Variants in POU2F3 observed in about 807,000 individuals in gnomAD.
POU2F3 encodes POU class 2 homeobox 3.
In POU2F3, 23 loss-of-function variants were observed where a neutral mutation model predicts 59.2. That is an observed-to-expected ratio of 0.39 (90% CI 0.28 to 0.55). POU2F3 has a LOEUF of 0.55. POU2F3 is among the 20% of genes least tolerant of loss of function. The pLI is 0.66. For synonymous variants in POU2F3, 190 were observed against 214.6 expected, an observed-to-expected ratio of 0.89 and a Z score of 1.00; for missense variants, 473 against 544.5, an observed-to-expected ratio of 0.87 and a Z score of 1.31.
At chr11:120,294,330 A>G (rs565750437) in intron 3 of POU2F3, among the ~76,000 whole-genome samples, 1 of 152,288 alleles carries the variant, frequency 6.6e-6, no homozygotes, top group Admixed American at 6.5e-5. Flanking sequence ...CCCTGTGGTG[A>G]CCCACGTCTC....
At chr11:120,316,440 G>GA (rs1941790718) in intron 11 of POU2F3, among the ~76,000 whole-genome samples, 3 of 152,208 alleles carry the variant, frequency 2.0e-5, no homozygotes, top group African/African-American at 4.8e-5. Context: ...GTTTTGTTTT[G>GA]TTTTTTGAGA....
At chr11:120,303,527 G>A (rs532425483) in intron 6 of POU2F3, 1 of 152,370 alleles carries the variant, frequency 6.6e-6, no homozygotes, top group South Asian at 2.1e-4. Flanking sequence ...ATGAAAGGAG[G>A]AGGGAGAAGG....
chr11:120,304,997 C>T (rs1035312456), intron 6 of POU2F3, 33 bp from the exon 7 acceptor site: 11 of 1,170,282 alleles, frequency 9.4e-6, no homozygotes, highest in Non-Finnish European at 1.3e-5. Context: ...TATTGATCTT[C>T]GTGGTGGATC....
chr11:120,299,568 GGCTGAT>G, intron 4 of POU2F3, 50 bp from the exon 5 acceptor site: 1 of 1,518,872 alleles, frequency 6.6e-7, no homozygotes, highest in Non-Finnish European at 9.0e-7. Context: ...AGGCAGATGG[GGCTGAT>G]GTCCCCAGCT....
rs544794394 is a variant in POU2F3, at chr11:120,293,988, T to C, written c.133-4277T>C. On this transcript the variant is annotated intron_variant, in intron 3 of 12. Transcript: ENST00000543440. Reference sequence around the variant, plus strand: ...GTTTATAACCATCTCTGAAGCTCTCTGAGCCTCTGTGAGATGGAAGGGTGA... The same window carrying C: ...GTTTATAACCATCTCTGAAGCTCTCCGAGCCTCTGTGAGATGGAAGGGTGA... Among the ~76,000 whole-genome samples, 37 of 152,288 alleles carry C rather than the reference T, an allele frequency of 2.4e-4. 1 individual carries two copies. The highest frequency in any genetic ancestry group is 4.2e-4 in the South Asian group (2 of 4,818).
At position 120,240,265 on chromosome 11, in the gene POU2F3, C is replaced by G. The variant is rs532752759; in HGVS notation, c.-79C>G. The G allele has an allele frequency of 1.6e-6, 2 of 1,268,066 alleles. No individual in the cohort carries two copies. Among genetic ancestry groups the G allele is most frequent in the Non-Finnish European group, 2.0e-6 (2 of 999,580 alleles). 78.6% of individuals were successfully genotyped at this position (1,268,066 alleles called of 1,614,324 possible). On this transcript the variant is annotated 5_prime_UTR_variant, in exon 1 of 13. Coordinates refer to ENST00000543440, the MANE Select transcript of POU2F3 (RefSeq NM_014352.4). ...CGGCCGGGAACTGGAGGAAGGAGAC[C>G]CTGGCTTCGCAGGGGCCCCGGCTGG... is the stretch of plus-strand genomic sequence containing the variant.
intron 2 of POU2F3, among the ~76,000 whole-genome samples, chr11:120,248,062 G>T (rs577869516): frequency 4.6e-5 from 7 of 152,234 alleles, no homozygotes; most frequent in African/African-American, 1.4e-4. Flanking sequence ...TCCTGGTGGG[G>T]GTTAGGAAGG....
At chr11:120,277,619 T>A (rs1339228599) in intron 3 of POU2F3, among the ~76,000 whole-genome samples, 2 of 150,342 alleles carry the variant, frequency 1.3e-5, no homozygotes, top group Non-Finnish European at 3.0e-5. Flanking sequence ...CTACTAAAAT[T>A]GCAAAAAAAA....
chr11:120,249,351 C>T (rs1371896667), intron 2 of POU2F3, among the ~76,000 whole-genome samples: 1 of 152,162 alleles, frequency 6.6e-6, no homozygotes, highest in African/African-American at 2.4e-5. Flanking sequence ...TACTTTTCCT[C>T]CACTTCTTTT....
chr11:120,310,709 C>A (rs1444621046), intron 10 of POU2F3, among the ~76,000 whole-genome samples: 1 of 152,128 alleles, frequency 6.6e-6, no homozygotes, highest in Non-Finnish European at 1.5e-5. Context: ...TGAAATGCAG[C>A]CTTCTCAGGG....
Position 120,288,832 on chromosome 11 carries a change from G to T in POU2F3, c.133-9433G>T, listed in dbSNP as rs184544979. Among the ~76,000 whole-genome samples, 2,302 of 149,780 alleles carry T rather than the reference G, an allele frequency of 0.015. 405 individuals are homozygous for T. In the East Asian group the frequency reaches 0.4, roughly 26 times the overall value. ...ATACGCACATGTATGTATTACATAT[G>T]TACATGTATGTAATACATACATGTG... On this transcript the variant is annotated intron_variant, in intron 3 of 12. Transcript: ENST00000543440.
intron 1 of POU2F3, among the ~76,000 whole-genome samples, chr11:120,240,713 G>A (rs1212158818): frequency 2.6e-5 from 4 of 152,178 alleles, no homozygotes; most frequent in Non-Finnish European, 4.4e-5. Flanking sequence ...CACTCACTCA[G>A]CCAGGGGTGT....
chr11:120,244,680 A>C (rs1938799066), intron 1 of POU2F3, among the ~76,000 whole-genome samples: 1 of 152,208 alleles, frequency 6.6e-6, no homozygotes, highest in South Asian at 2.1e-4. Flanking sequence ...ACTGTTGAAG[A>C]ATCCCCATGG....
At chr11:120,313,496 T>C (rs556419481) in intron 10 of POU2F3, among the ~76,000 whole-genome samples, 2 of 152,312 alleles carry the variant, frequency 1.3e-5, no homozygotes, top group African/African-American at 2.4e-5. Flanking sequence ...TTGGGTCTCA[T>C]TGAGACAGTC....
intron 3 of POU2F3, among the ~76,000 whole-genome samples, chr11:120,284,837 G>A (rs1156716087): frequency 6.6e-6 from 1 of 152,160 alleles, no homozygotes; most frequent in Non-Finnish European, 1.5e-5. Context: ...GGGTCCTTGA[G>A]GCCGTCTGTC....
At chr11:120,268,547 T>G (rs1939933129) in intron 2 of POU2F3, among the ~76,000 whole-genome samples, 1 of 152,166 alleles carries the variant, frequency 6.6e-6, no homozygotes, top group South Asian at 2.1e-4. Context: ...CTCACTGTGT[T>G]GCTCAGCCTG....
intron 2 of POU2F3, chr11:120,249,947 A>C (rs1298879252): frequency 6.6e-6 from 1 of 151,912 alleles, no homozygotes; most frequent in Non-Finnish European, 1.5e-5. Context: ...ACTCTATCAG[A>C]CTCTTATCCT....
intron 3 of POU2F3, among the ~76,000 whole-genome samples, chr11:120,287,256 G>A (rs1289544852): frequency 6.6e-6 from 1 of 152,172 alleles, no homozygotes; most frequent in Non-Finnish European, 1.5e-5. Flanking sequence ...TGGCCTTTGG[G>A]AAATCATTTG....
chr11:120,309,307 T>G, intron 9 of POU2F3, 118 bp from the exon 10 acceptor site: 2 of 1,068,584 alleles, frequency 1.9e-6, no homozygotes, highest in Non-Finnish European at 2.7e-6. Context: ...TATTTCATCC[T>G]AGGTCTGACT....
Sources: gnomAD v4.1 joint callset for allele counts (sites outside exome capture counted in the v4.1 genomes callset) on GRCh38, gnomAD v4.1.1 for gene constraint, MANE v1.5 for transcripts, NCBI Gene and HGNC (gene_info 2026-07-23, HGNC 2026-07-21) for gene names.